The following URGCP variants were observed in gnomAD, a reference collection of about 807,000 sequenced individuals.
The protein encoded by URGCP is upregulator of cell proliferation, also known as up-regulator of cell proliferation.
In URGCP, 13 loss-of-function variants were observed where a neutral mutation model predicts 24.6. The ratio of observed to expected loss-of-function variants is 0.53; its 90% CI spans 0.34 to 0.84. The LOEUF (loss-of-function observed/expected upper bound fraction) is 0.84. Ranked by LOEUF, URGCP falls within the 40% of genes least tolerant of loss-of-function variation. The pLI is 0.01. For missense variants in URGCP, 899 were observed against 1,194.3 expected (o/e 0.75, Z 3.64); for synonymous variants, 444 against 487.2 (o/e 0.91, Z 1.17).
upstream of URGCP, chr7:43,926,592 C>A (rs748651999): frequency 3.0e-5 from 46 of 1,551,888 alleles, no homozygotes; most frequent in Non-Finnish European, 3.8e-5. Flanking sequence ...CTTTGGGTGT[C>A]CGAAGCGTCG....
intron 1 of URGCP, among the ~76,000 whole-genome samples, chr7:43,899,163 A>T (rs760465204): frequency 1.4e-5 from 2 of 145,172 alleles, no homozygotes; most frequent in Non-Finnish European, 3.0e-5. Flanking sequence ...TTATATAAAA[A>T]TTTTTATATA....
intron 1 of URGCP, among the ~76,000 whole-genome samples, chr7:43,916,215 C>T (rs925962166): frequency 6.6e-6 from 1 of 152,094 alleles, no homozygotes; most frequent in Admixed American, 6.6e-5. Context: ...CTTAGAACGG[C>T]GAGGACTGTG....
chr7:43,921,817 T>G (rs2095922809), intron 1 of URGCP, among the ~76,000 whole-genome samples: 1 of 152,234 alleles, frequency 6.6e-6, no homozygotes. Flanking sequence ...AAATTCTGTG[T>G]GTGAACACTA....
rs761444002 is a variant in URGCP, at chr7:43,878,210, T to G, written c.1253A>C (p.Lys418Thr). The G allele has an allele frequency of 6.2e-7, 1 of 1,614,204 alleles. No homozygotes were observed. Among genetic ancestry groups the G allele is most frequent in the Non-Finnish European group, 8.5e-7 (1 of 1,180,042 alleles). Reference sequence around the variant, plus strand: ...GCTGTCGCTGTCAGTGCTGCTGACCTTTACCAGGACATGTGAGTGGTCTAT... The same window carrying G: ...GCTGTCGCTGTCAGTGCTGCTGACCGTTACCAGGACATGTGAGTGGTCTAT... ...LKIDHSHVLVKVSSTDSDSFV... is the reference protein window; with the variant it reads ...LKIDHSHVLVTVSSTDSDSFV... Residue 418 changes from lysine (K) to threonine (T), a missense_variant, in exon 6 of 6, where the codon AAG becomes ACG. Transcript: ENST00000453200. This position sits in a 1 kb window ranked among gnomAD's most constrained non-coding sequence, Gnocchi z 5.6.
At chr7:43,914,051 G>C (rs766764362) in intron 1 of URGCP, among the ~76,000 whole-genome samples, 1 of 152,160 alleles carries the variant, frequency 6.6e-6, no homozygotes, top group Non-Finnish European at 1.5e-5. Flanking sequence ...TCAGGCTGGA[G>C]TGCAGTGGCG....
upstream of URGCP, among the ~76,000 whole-genome samples, chr7:43,908,893 C>G (rs2095907065): frequency 1.3e-5 from 2 of 152,170 alleles, no homozygotes. Context: ...AGTAAATCTT[C>G]AGAGGGCAAG....
intron 2 of URGCP, 151 bp downstream of exon 2, chr7:43,887,639 G>C: frequency 6.8e-7 from 1 of 1,475,662 alleles, no homozygotes; most frequent in Non-Finnish European, 9.0e-7. Flanking sequence ...TCTGGGAGCT[G>C]GTCCTGGGTA....
At chr7:43,887,873 T>C in intron 1 of URGCP, 57 bp from the exon 2 acceptor site, 1 of 1,187,802 alleles carries the variant, frequency 8.4e-7, no homozygotes, top group Non-Finnish European at 1.2e-6. Context: ...TTATATATAA[T>C]AGCGAAAAAC....
Position 43,879,206 on chromosome 7 carries a change from T to G in URGCP, c.257A>C (p.Gln86Pro). Residue 86 changes from glutamine to proline, a missense_variant, in exon 6 of 6, where the codon CAG becomes CCG. By Grantham distance (76) the Gln-to-Pro change is moderately conservative. Coordinates refer to ENST00000453200, the MANE Select transcript of URGCP (RefSeq NM_001077663.3). ...GTCCTGGAGGCTGAGTTTCTGGACC[T>G]GGTACGTCTCTAGGCCCAAAAGTGA... Reference protein sequence around the residue: ...MLSLLGLETYQVQKLSLQDSL... With the variant: ...MLSLLGLETYPVQKLSLQDSL... The G allele has an allele frequency of 6.2e-7, 1 of 1,613,650 alleles. No individual in the cohort carries two copies. The highest frequency in any genetic ancestry group is 8.5e-7 in the Non-Finnish European group (1 of 1,180,028).
At position 43,883,358 on chromosome 7, in the gene URGCP, A is replaced by ATT. The variant is rs1490751876; in HGVS notation, c.113-1402_113-1401insAA. ...TATACATATATATATATATATATAT[A>ATT]TATATTTTTTTTTTTTTTTTGAGAT... is the stretch of plus-strand genomic sequence containing the variant. On this transcript the variant is annotated intron_variant, in intron 3 of 5. Coordinates refer to ENST00000453200, the MANE Select transcript of URGCP (RefSeq NM_001077663.3). Among the ~76,000 whole-genome samples, 114 of 95,800 alleles carry ATT rather than the reference A, an allele frequency of 1.2e-3. 1 individual carries two copies. The highest frequency in any genetic ancestry group is 3.3e-3 in the South Asian group (11 of 3,378). 62.8% of individuals were successfully genotyped at this position (95,800 alleles called of 152,430 possible). A position where few individuals can be genotyped will look rare whatever the true frequency, so the allele number is the denominator to read the frequency against.
intron 3 of URGCP, among the ~76,000 whole-genome samples, chr7:43,885,099 A>G (rs1340603787): frequency 3.5e-5 from 2 of 57,618 alleles, no homozygotes; most frequent in Non-Finnish European, 6.2e-5. Flanking sequence ...AATGTATAGT[A>G]TAATTTTTTT....
intron 1 of URGCP, chr7:43,919,606 T>G: frequency 7.1e-7 from 1 of 1,413,224 alleles, no homozygotes; most frequent in Non-Finnish European, 1.0e-6. Flanking sequence ...CCCAAGAACG[T>G]GATGGTATCC....
chr7:43,902,266 G>A (rs1041468207), intron 1 of URGCP, among the ~76,000 whole-genome samples: 1 of 152,088 alleles, frequency 6.6e-6, no homozygotes, highest in African/African-American at 2.4e-5. Context: ...ACTGGCCTTG[G>A]GTTTGTCGTC....
chr7:43,922,127 C>T lies in URGCP; in HGVS notation c.-116+4005G>A, dbSNP rs927238006. Among the ~76,000 whole-genome samples the T allele has an allele frequency of 3.3e-5, 5 of 151,788 alleles. No individual in the cohort carries two copies. In the East Asian group the frequency reaches 7.8e-4, roughly 24 times the overall value. On this transcript the variant is annotated intron_variant, in intron 1 of 5. Coordinates refer to the URGCP transcript ENST00000426198. ...TCACCCAGGCTGGAGTGCAGTGGCG[C>T]GATCTTGGCTCCTGGCAACCTCCAC...
upstream of URGCP, chr7:43,926,514 T>A: frequency 2.0e-6 from 3 of 1,522,648 alleles, no homozygotes; most frequent in East Asian, 2.7e-5. Flanking sequence ...GCCGCCCGGG[T>A]CCCCGGCAGC....
rs537898110 is a variant in URGCP, at chr7:43,877,177, C to T, written c.2286G>A (p.Thr762=). 34 of 1,614,190 alleles carry T rather than the reference C, an allele frequency of 2.1e-5. No individual in the cohort carries two copies. The highest frequency in any genetic ancestry group is 1.8e-4 in the East Asian group (8 of 44,882). ...DSGGLIGGAL[T]SAGDRFELEA... ...CCAGCTCAAATCTGTCCCCAGCTGA[C>T]GTCAAGGCCCCACCTATCAAGCCCC... Residue 762 remains threonine (T), a synonymous_variant, in exon 6 of 6, where the codon ACG becomes ACA. Transcript: ENST00000453200.
At position 43,877,450 on chromosome 7, in the gene URGCP, G is replaced by C. The variant is rs201711850; in HGVS notation, c.2013C>G (p.Pro671=). The C allele has an allele frequency of 1.2e-6, 2 of 1,613,604 alleles. No individual in the cohort carries two copies. Among genetic ancestry groups the C allele is most frequent in the Middle Eastern group, 1.7e-4 (1 of 6,060 alleles). The change falls in exon 6 of 6, where the codon CCC becomes CCG. Residue 671 remains proline (P), a synonymous_variant. Transcript: ENST00000453200. ...TCAGGAGCCCTGTGACCCAGCGGACGGGCATGCTCAGCGTGCTCCCATCGA... is the reference window on the plus strand; with the variant it reads ...TCAGGAGCCCTGTGACCCAGCGGACCGGCATGCTCAGCGTGCTCCCATCGA... ...ELIDGSTLSM[P]VRWVTGLLKE...
chr7:43,883,099 A>G (rs1199393461), intron 3 of URGCP, among the ~76,000 whole-genome samples: 3 of 151,964 alleles, frequency 2.0e-5, no homozygotes, highest in Non-Finnish European at 4.4e-5. Flanking sequence ...AATGTCCATC[A>G]ACATTAACAT....
At position 43,892,291 on chromosome 7, in the gene URGCP, T is replaced by C. The variant is rs543149711; in HGVS notation, c.15-4475A>G. 1.1e-4 allele frequency among the ~76,000 whole-genome samples: 16 copies of C among 148,150 alleles called. No homozygotes were observed. In the South Asian group the frequency reaches 3.5e-3, roughly 32 times the overall value. The stretch of plus-strand genomic sequence containing the variant: ...TAGGCTGGAGTGCAGTGGTGCAATC[T>C]CGGCTCACTGCAACCTCTGCCTCCC... On this transcript the variant is annotated intron_variant, in intron 1 of 5. Transcript: ENST00000453200.
Sources: gnomAD v4.1 joint callset for allele counts (sites outside exome capture counted in the v4.1 genomes callset) on GRCh38, gnomAD v4.1.1 for gene constraint, Gnocchi (gnomAD v3.1) non-coding constraint, MANE v1.5 for transcripts, NCBI Gene and HGNC (gene_info 2026-07-23, HGNC 2026-07-21) for gene names.